SHLD3: variants seen among roughly 807,000 people sequenced by gnomAD.
SHLD3 encodes REV7-interacting novel NHEJ regulator 1.
A neutral mutation model predicts 21.4 loss-of-function variants in SHLD3; 15 were observed. The observed-to-expected ratio is 0.70, with a 90% CI of 0.47 to 1.08. The LOEUF is 1.08. SHLD3 is among the 50% of genes least tolerant of loss of function. The pLI, the probability that SHLD3 is intolerant of heterozygous loss-of-function variation, is 0.00. For missense variants in SHLD3, 273 were observed against 286.1 expected, an observed-to-expected ratio of 0.95 and a Z score of 0.33; for synonymous variants, 103 against 97.2, an observed-to-expected ratio of 1.06 and a Z score of -0.35.
chr5:65,629,914 G>A lies in SHLD3; in HGVS notation c.327G>A (p.Lys109=). Residue 109 remains lysine, a synonymous_variant, in exon 2 of 2, where the codon AAG becomes AAA. Coordinates refer to ENST00000510585, the MANE Select transcript of SHLD3 (RefSeq NM_001365341.2). ...ATTTAACCTGGTCACACACACTGAA[G>A]GAACAGACTAATTCTGGAAATCTGG... is the stretch of plus-strand genomic sequence containing the variant. ...KQHLTWSHTL[K]EQTNSGNLGK... The A allele has an allele frequency of 6.5e-7, 1 of 1,536,062 alleles. No homozygotes were observed.
In SHLD3 at chr5:65,630,757, C is replaced by G; in HGVS notation, c.*417C>G. The G allele has an allele frequency of 1.3e-6, 1 of 786,032 alleles. No homozygotes were observed. Among genetic ancestry groups the G allele is most frequent in the Middle Eastern group, 6.4e-4 (1 of 1,570 alleles). The allele number at this position is 786,032 out of a possible 1,614,324, so 48.7% of individuals were successfully genotyped here. ...ATGTAGTTCAAAGTGGGAGACTAGT[C>G]TAGATTTATAATGATGTTTCCAAAG... On this transcript the variant is annotated 3_prime_UTR_variant, in exon 2 of 2. Coordinates refer to ENST00000510585, the MANE Select transcript of SHLD3 (RefSeq NM_001365341.2).
chr5:65,627,251 A>G (rs554740446), intron 1 of SHLD3, among the ~76,000 whole-genome samples: 1 of 151,936 alleles, frequency 6.6e-6, no homozygotes, highest in South Asian at 2.1e-4. Context: ...TAGTTAACCC[A>G]TTGTTCTAGT....
rs1235902359 is a variant in SHLD3 at position 65,630,803 on chromosome 5, G to T, written c.*463G>T. On this transcript the variant is annotated 3_prime_UTR_variant, in exon 2 of 2. Transcript: ENST00000510585. ...CAAAGATATGTAATAACAATTGATA[G>T]GCTGTTTTCAAACAACGATACAAAA... 1 of 491,216 alleles carries T rather than the reference G, an allele frequency of 2.0e-6. No individual in the cohort carries two copies. Among genetic ancestry groups the T allele is most frequent in the Non-Finnish European group, 2.6e-6 (1 of 378,132 alleles). The allele number at this position is 491,216 out of a possible 1,614,324, so 30.4% of individuals were successfully genotyped here. A position where few individuals can be genotyped will look rare whatever the true frequency, so the allele number is the denominator to read the frequency against.
At position 65,629,710 on chromosome 5, in the gene SHLD3, G is replaced by A. The variant is rs1206923505; in HGVS notation, c.123G>A (p.Trp41Ter). The change falls in exon 2 of 2, where the codon TGG becomes TGA. Residue 41 changes from tryptophan to a stop codon, truncating the protein, a stop_gained. Coordinates refer to ENST00000510585, the MANE Select transcript of SHLD3 (RefSeq NM_001365341.2). LOFTEE classifies it high-confidence loss of function. ...GTCCGCTATCAAGATTTATACCTTG[G>A]TTTCCATATGATGGGTCCAAGCTTC... ...PTRPLSRFIP[W>*]FPYDGSKLPL... 2.0e-6 allele frequency: 3 copies of A among 1,536,040 alleles called. No individual in the cohort carries two copies. Among genetic ancestry groups the A allele is most frequent in the Middle Eastern group, 1.7e-4 (1 of 5,990 alleles).
At chr5:65,625,512 A>G (rs1755172529) in intron 1 of SHLD3, 2 of 196,826 alleles carry the variant, frequency 1.0e-5, no homozygotes, top group Non-Finnish European at 2.1e-5. Flanking sequence ...ATTGCATGAC[A>G]GTAGTGCAGA....
chr5:65,626,539 C>T (rs1000077933), intron 1 of SHLD3, among the ~76,000 whole-genome samples: 2 of 151,982 alleles, frequency 1.3e-5, no homozygotes, highest in Admixed American at 1.3e-4. Context: ...AGATCAAGAC[C>T]ATCCTGGCTA....
Position 65,630,512 on chromosome 5 carries a change from T to C in SHLD3, c.*172T>C, listed in dbSNP as rs557949952. The C allele has an allele frequency of 6.4e-5, 85 of 1,328,554 alleles. No homozygotes were observed. The African/African-American group carries it at 1.1e-3, about 17-fold the overall frequency. 82.3% of individuals were successfully genotyped at this position (1,328,554 alleles called of 1,614,324 possible). A position where few individuals can be genotyped will look rare whatever the true frequency, so the allele number is the denominator to read the frequency against. On this transcript the variant is annotated 3_prime_UTR_variant, in exon 2 of 2. Coordinates refer to ENST00000510585, the MANE Select transcript of SHLD3 (RefSeq NM_001365341.2). Reference sequence around the variant, plus strand: ...TGCTTATTGGCAGCCTTCTTTTAAATGTGATAAATTATTGTTTACACTGAA... The same window carrying C: ...TGCTTATTGGCAGCCTTCTTTTAAACGTGATAAATTATTGTTTACACTGAA...
chr5:65,625,738 A>C (rs1391303533), intron 1 of SHLD3, among the ~76,000 whole-genome samples: 1 of 151,950 alleles, frequency 6.6e-6, no homozygotes, highest in Non-Finnish European at 1.5e-5. Context: ...CAATTTTTTT[A>C]ATGCCTATTT....
Position 65,629,708 on chromosome 5 carries a change from T to C in SHLD3, c.121T>C (p.Trp41Arg), listed in dbSNP as rs1158144659. Residue 41 changes from tryptophan to arginine, a missense_variant, in exon 2 of 2, where the codon TGG (tryptophan) becomes CGG (arginine). Transcript: ENST00000510585. ...TCGTCCGCTATCAAGATTTATACCT[T>C]GGTTTCCATATGATGGGTCCAAGCT... ...PTRPLSRFIP[W>R]FPYDGSKLPL... 5.2e-6 allele frequency: 8 copies of C among 1,535,964 alleles called. No homozygotes were observed. Among genetic ancestry groups the C allele is most frequent in the South Asian group, 1.2e-5 (1 of 84,068 alleles).
intron 1 of SHLD3, among the ~76,000 whole-genome samples, chr5:65,628,549 C>A (rs919858506): frequency 2.6e-5 from 4 of 151,362 alleles, no homozygotes; most frequent in Admixed American, 2.6e-4. Flanking sequence ...CAGTTCACTG[C>A]AAACCTCAAC....
At chr5:65,629,368 T>G in intron 1 of SHLD3, 100 bp from the exon 2 acceptor site, 4 of 840,496 alleles carry the variant, frequency 4.8e-6, no homozygotes, top group Non-Finnish European at 6.4e-6. Context: ...AAATACCACA[T>G]TGGGATTGGT....
At position 65,630,402 on chromosome 5, in the gene SHLD3, A is replaced by T. The variant is rs1215325968; in HGVS notation, c.*62A>T. On this transcript the variant is annotated 3_prime_UTR_variant, in exon 2 of 2. Transcript: ENST00000510585. The stretch of plus-strand genomic sequence containing the variant: ...GAAATGAATATGGATTGAAATAGAT[A>T]AAATAATTTTTACAGGTTTTAAAAT... 3 of 1,406,414 alleles carry T rather than the reference A, an allele frequency of 2.1e-6. No homozygotes were observed. The highest frequency in any genetic ancestry group is 2.8e-6 in the Non-Finnish European group (3 of 1,085,398). The allele number at this position is 1,406,414 out of a possible 1,614,324, so 87.1% of individuals were successfully genotyped here.
Position 65,630,651 on chromosome 5 carries a change from T to C in SHLD3, c.*311T>C, listed in dbSNP as rs753714831. The C allele has an allele frequency of 1.1e-4, 117 of 1,019,686 alleles. No individual in the cohort carries two copies. The highest frequency in any genetic ancestry group is 1.3e-4 in the Non-Finnish European group (113 of 851,576). The allele number at this position is 1,019,686 out of a possible 1,614,324, so 63.2% of individuals were successfully genotyped here. The stretch of plus-strand genomic sequence containing the variant: ...TCTCTAAAATCTAATTTTACTGTAT[T>C]TTTTTCCTTACCTCAAGTGTAATTT... On this transcript the variant is annotated 3_prime_UTR_variant, in exon 2 of 2. Transcript: ENST00000510585.
At chr5:65,626,574 A>C (rs1159590469) in intron 1 of SHLD3, among the ~76,000 whole-genome samples, 1 of 152,140 alleles carries the variant, frequency 6.6e-6, no homozygotes, top group African/African-American at 2.4e-5. Flanking sequence ...CGTCTCTATA[A>C]AAATACAAAA....
chr5:65,629,955 A>AG lies in SHLD3; in HGVS notation c.371dup (p.Gln126ThrfsTer15). 1 of 1,536,132 alleles carries AG rather than the reference A, an allele frequency of 6.5e-7. No homozygotes were observed. Among genetic ancestry groups the AG allele is most frequent in the Non-Finnish European group, 8.7e-7 (1 of 1,146,888 alleles). On this transcript the variant is annotated frameshift_variant, in exon 2 of 2. Transcript: ENST00000510585. LOFTEE classifies it high-confidence loss of function. ...GGAAATCTGGGTAAACAATCAGAAA[A>AG]GGGAAAACAGCACAAGAGGAGATCT...
At position 65,629,998 on chromosome 5, in the gene SHLD3, C is replaced by G; in HGVS notation, c.411C>G (p.Pro137=). 6.5e-7 allele frequency: 1 copy of G among 1,535,812 alleles called. No homozygotes were observed. Among genetic ancestry groups the G allele is most frequent in the African/African-American group, 1.4e-5 (1 of 73,120 alleles). The part of the protein sequence containing the change: ...HKRRSWSISL[P]SNNCTKNVSP... ...GGAGATCTTGGAGTATTTCCCTTCC[C>G]AGCAATAATTGTACTAAAAACGTTT... Residue 137 remains proline, a synonymous_variant, in exon 2 of 2, where the codon CCC becomes CCG. Coordinates refer to ENST00000510585, the MANE Select transcript of SHLD3 (RefSeq NM_001365341.2).
At chr5:65,627,015 C>G (rs1755266376) in intron 1 of SHLD3, among the ~76,000 whole-genome samples, 1 of 150,688 alleles carries the variant, frequency 6.6e-6, no homozygotes. Flanking sequence ...TGGTGTAATC[C>G]CAGCTACTCG....
chr5:65,628,482 C>T (rs71626593), intron 1 of SHLD3, among the ~76,000 whole-genome samples: 1,724 of 145,702 alleles, frequency 0.012, 23 homozygotes, highest in Middle Eastern at 0.046. Context: ...TTTTTTGAGA[C>T]GGAGTCTTGC....
At chr5:65,627,131 CAAAAAAAAAAAAAA>C (rs60169195) in intron 1 of SHLD3, among the ~76,000 whole-genome samples, 11 of 32,578 alleles carry the variant, frequency 3.4e-4, no homozygotes, top group Middle Eastern at 0.015. Flanking sequence ...GACCCTGTCT[CAAAAAAAAAAAAAA>C]AAAAAAAAAA....
Sources: allele counts gnomAD v4.1 joint callset (sites outside exome capture counted in the v4.1 genomes callset), GRCh38; gene constraint gnomAD v4.1.1; transcripts MANE v1.5; gene names NCBI Gene and HGNC (gene_info 2026-07-23, HGNC 2026-07-21).